The following SPATA13 variants were observed in gnomAD, a reference collection of about 807,000 sequenced individuals.
The protein encoded by SPATA13 is spermatogenesis associated 13, also known as spermatogenesis-associated protein 13.
Under a neutral mutation model 104.0 loss-of-function variants are expected in SPATA13, and 50 were observed. The observed-to-expected ratio is 0.48, with a 90% CI of 0.38 to 0.61. The LOEUF (loss-of-function observed/expected upper bound fraction) is 0.61, where lower values mean the gene tolerates loss of function less well. Ranked by LOEUF, SPATA13 falls within the 20% of genes least tolerant of loss-of-function variation. The probability of loss-of-function intolerance (pLI) is 0.00; values close to 1 mark genes in which losing one functional copy is unlikely to be tolerated. For synonymous variants in SPATA13, 606 were observed against 667.5 expected, an observed-to-expected ratio of 0.91 and a Z score of 1.42; for missense variants, 1,524 against 1,690.6, an observed-to-expected ratio of 0.90 and a Z score of 1.73.
At position 23,992,093 on chromosome 13, in the gene SPATA13, C is replaced by A. The variant is rs555713361; in HGVS notation, c.-147+8160C>A. On this transcript the variant is annotated intron_variant, in intron 2 of 14. Coordinates refer to the SPATA13 transcript ENST00000424834. ...AGGAAGTGAGTTAGAATAGTGAGGCCCATTTGCAGTGAGATTTCTGAGATC... is the reference window on the plus strand; with the variant it reads ...AGGAAGTGAGTTAGAATAGTGAGGCACATTTGCAGTGAGATTTCTGAGATC... 3.3e-5 allele frequency among the ~76,000 whole-genome samples: 5 copies of A among 152,164 alleles called. No individual in the cohort carries two copies. The South Asian group carries it at 8.3e-4, about 25-fold the overall frequency.
intron 4 of SPATA13, among the ~76,000 whole-genome samples, chr13:24,257,166 C>G (rs1203372325): frequency 6.6e-6 from 1 of 152,182 alleles, no homozygotes; most frequent in African/African-American, 2.4e-5. Context: ...TTCCCTTTGT[C>G]TCTATTATCC....
chr13:24,280,777 G>GA (rs1235205272), intron 4 of SPATA13, among the ~76,000 whole-genome samples: 2 of 151,984 alleles, frequency 1.3e-5, no homozygotes, highest in African/African-American at 2.4e-5. Flanking sequence ...ACTCATGCAT[G>GA]AAAAAAATGA....
In SPATA13 at chr13:24,249,605, C is replaced by T. The variant is rs1394430128; in HGVS notation, c.1782C>T (p.Gly594=). ...GGCCTCGGCCATTCTCTGACTACGGCCAGCTGGCCAGCCGCAGTTTGTCTA... is the reference window on the plus strand; with the variant it reads ...GGCCTCGGCCATTCTCTGACTACGGTCAGCTGGCCAGCCGCAGTTTGTCTA... ...RPRPRPFSDY[G]QLASRSLSIP... is the part of the protein sequence containing the mutation. The change falls in exon 3 of 13, where the codon GGC becomes GGT. Residue 594 remains glycine (G), a synonymous_variant. Transcript: ENST00000382108. 2.5e-6 allele frequency: 4 copies of T among 1,613,960 alleles called. No homozygotes were observed.
At chr13:24,279,229 AC>A (rs1429590192) in intron 4 of SPATA13, among the ~76,000 whole-genome samples, 1 of 151,998 alleles carries the variant, frequency 6.6e-6, no homozygotes, top group African/African-American at 2.4e-5. Context: ...GTGTGTGTGT[AC>A]CTGGGGAGGG....
At chr13:24,297,337 CT>C in intron 10 of SPATA13, 25 bp from the exon 11 acceptor site, 9 of 1,588,026 alleles carry the variant, frequency 5.7e-6, no homozygotes, top group Non-Finnish European at 7.7e-6. Context: ...ATTGGAAGGT[CT>C]TAAGATGTGT....
At chr13:24,213,094 C>T (rs889171247) in intron 1 of SPATA13, among the ~76,000 whole-genome samples, 8 of 152,118 alleles carry the variant, frequency 5.3e-5, no homozygotes, top group Non-Finnish European at 1.2e-4. Context: ...GACTCCTGCA[C>T]GGAGAAGTTG....
intron 3 of SPATA13, among the ~76,000 whole-genome samples, chr13:24,057,304 G>A (rs752777847): frequency 6.0e-5 from 9 of 148,854 alleles, no homozygotes; most frequent in Non-Finnish European, 8.9e-5. Context: ...GCCACTTCTC[G>A]GCCTGTGGCG....
chr13:24,214,406 A>G (rs1486818299), intron 1 of SPATA13, among the ~76,000 whole-genome samples: 2 of 152,258 alleles, frequency 1.3e-5, no homozygotes, highest in Non-Finnish European at 2.9e-5. Context: ...GAAAGGTGTC[A>G]CGCCATGAGA....
chr13:24,171,656 A>G (rs1322955715), intron 1 of SPATA13, among the ~76,000 whole-genome samples: 1 of 152,202 alleles, frequency 6.6e-6, no homozygotes, highest in Non-Finnish European at 1.5e-5. Context: ...TTGTCCTTGT[A>G]TCAGTGGTGA....
At chr13:24,157,360 G>A (rs1054794452), upstream of SPATA13, among the ~76,000 whole-genome samples, 4 of 152,096 alleles carry the variant, frequency 2.6e-5, no homozygotes, top group African/African-American at 9.7e-5. Flanking sequence ...GTGCAGGGGC[G>A]CGATCGCGGC....
intron 3 of SPATA13, among the ~76,000 whole-genome samples, chr13:24,118,834 G>A (rs746435786): frequency 1.3e-5 from 2 of 152,128 alleles, no homozygotes; most frequent in South Asian, 2.1e-4. Context: ...CTAACCACAC[G>A]CTGGTTCCCG....
At chr13:24,132,048 TC>T (rs771752895) in intron 3 of SPATA13, among the ~76,000 whole-genome samples, 1 of 152,182 alleles carries the variant, frequency 6.6e-6, no homozygotes, top group Non-Finnish European at 1.5e-5. Context: ...GACTGAGGCT[TC>T]TGAGAATGCT....
chr13:24,009,576 G>A (rs368267035), intron 2 of SPATA13, among the ~76,000 whole-genome samples: 4 of 152,290 alleles, frequency 2.6e-5, no homozygotes, highest in East Asian at 3.9e-4. Flanking sequence ...ATTGTTCCAG[G>A]TCATAGGTAG....
chr13:24,244,098 G>T (rs909599582), intron 2 of SPATA13, among the ~76,000 whole-genome samples: 3 of 152,164 alleles, frequency 2.0e-5, no homozygotes, highest in Admixed American at 6.5e-5. Flanking sequence ...GTGGCAACTG[G>T]CCTTCCTTGG....
At chr13:24,116,968 C>T (rs552467620) in intron 3 of SPATA13, among the ~76,000 whole-genome samples, 1 of 152,334 alleles carries the variant, frequency 6.6e-6, no homozygotes, top group East Asian at 1.9e-4. Context: ...GAAGAGAGTA[C>T]TGACCAGGAA....
At chr13:24,291,755 TA>T (rs370493959) in intron 9 of SPATA13, among the ~76,000 whole-genome samples, 24,050 of 125,582 alleles carry the variant, frequency 0.19, 2,267 homozygotes, top group Admixed American at 0.29. Flanking sequence ...TTTATTTTTT[TA>T]TTTTTTTTTT....
At chr13:24,043,320 CT>C (rs66985719) in intron 3 of SPATA13, among the ~76,000 whole-genome samples, 72,959 of 151,986 alleles carry the variant, frequency 0.48, 19,324 homozygotes, top group East Asian at 0.64. Context: ...GGATGCTACC[CT>C]TTTTTGTGGT....
At chr13:24,127,374 G>A (rs183626147) in intron 3 of SPATA13, among the ~76,000 whole-genome samples, 15 of 152,268 alleles carry the variant, frequency 9.9e-5, no homozygotes, top group Admixed American at 5.9e-4. Flanking sequence ...GACAACCAGC[G>A]TCATTTCCTT....
intron 4 of SPATA13, among the ~76,000 whole-genome samples, chr13:24,277,459 A>AG (rs1045724146): frequency 7.2e-6 from 1 of 138,826 alleles, no homozygotes; most frequent in African/African-American, 2.5e-5. Flanking sequence ...AAAAAAAAAA[A>AG]AAAGAAGAAG....
Sources: allele counts gnomAD v4.1 joint callset (sites outside exome capture counted in the v4.1 genomes callset), GRCh38; gene constraint gnomAD v4.1.1; transcripts MANE v1.5; gene names NCBI Gene and HGNC (gene_info 2026-07-23, HGNC 2026-07-21).